NIN: variants seen among roughly 807,000 people sequenced by gnomAD.
The protein encoded by NIN is ninein, also known as glycogen synthase kinase 3 beta-interacting protein.
In NIN, 137 loss-of-function variants were observed where a neutral mutation model predicts 257.6. That is an observed-to-expected ratio of 0.53 (90% CI 0.46 to 0.61). The LOEUF is 0.61. Among genes scored for constraint, NIN ranks in the 20% least tolerant of loss-of-function variants. NIN has a pLI of 0.00. For synonymous variants in NIN, 918 were observed against 919.8 expected (o/e 1.00, Z 0.04); for missense variants, 2,439 against 2,501.2 (o/e 0.98, Z 0.53).
Position 50,754,816 on chromosome 14 carries a change from A to G in NIN, c.4590T>C (p.Ile1530=), listed in dbSNP as rs947711854. ...QQENSILRNE[I]TTLNEEDSIS... ...TGCTATCTTCTTCATTTAAAGTAGT[A>G]ATTTCATTTCTCAAAATAGAATTTT... The change falls in exon 19 of 31, where the codon ATT becomes ATC. Residue 1530 remains isoleucine (I), a synonymous_variant. Transcript: ENST00000530997. 2.5e-6 allele frequency: 4 copies of G among 1,581,712 alleles called. No individual in the cohort carries two copies. Among genetic ancestry groups the G allele is most frequent in the Non-Finnish European group, 3.4e-6 (4 of 1,163,956 alleles).
chr14:50,814,977 A>T, intron 3 of NIN, among the ~76,000 whole-genome samples: 1 of 152,266 alleles, frequency 6.6e-6, no homozygotes, highest in East Asian at 1.9e-4. Flanking sequence ...GGACATAGGC[A>T]TGGGCAAAGA....
At chr14:50,730,156 C>A (rs2040619229) in intron 28 of NIN, among the ~76,000 whole-genome samples, 1 of 152,130 alleles carries the variant, frequency 6.6e-6, no homozygotes, top group African/African-American at 2.4e-5. Context: ...TTTTTTCCAA[C>A]CCCAAGTTAG....
rs1163741819 is a variant in NIN at position 50,756,532 on chromosome 14, T to G, written c.4498A>C (p.Ile1500Leu). 1 of 1,612,202 alleles carries G rather than the reference T, an allele frequency of 6.2e-7. No homozygotes were observed. The highest frequency in any genetic ancestry group is 2.2e-5 in the East Asian group (1 of 44,894). The stretch of plus-strand genomic sequence containing the variant: ...TTTTGCTGCATCTCACTGCACGTGA[T>G]CTGCAAGTCATGCATCATTGCCTTC... ...ELKAMMHDLQ[I>L]TCSEMQQKVE... Residue 1500 changes from isoleucine to leucine, a missense_variant, in exon 18 of 31, where the codon ATC (isoleucine) becomes CTC (leucine). This residue lies in a region of NIN where 2,043 missense variants were observed against 2,050.2 expected (regional missense o/e 1.00). Coordinates refer to ENST00000530997, the MANE Select transcript of NIN (RefSeq NM_020921.4).
Position 50,722,043 on chromosome 14 carries a change from T to C in NIN, c.*1420A>G, listed in dbSNP as rs1293749044. On this transcript the variant is annotated 3_prime_UTR_variant, in exon 31 of 31. Transcript: ENST00000530997. ...TCCAGGAATATATCAAAGCGAACTT[T>C]TCGGATTATTGTCTCATGAAAACAA... 5 of 228,790 alleles carry C rather than the reference T, an allele frequency of 2.2e-5. No individual in the cohort carries two copies. Among genetic ancestry groups the C allele is most frequent in the Non-Finnish European group, 4.3e-5 (5 of 115,248 alleles). 14.2% of individuals were successfully genotyped at this position (228,790 alleles called of 1,614,324 possible). A position where few individuals can be genotyped will look rare whatever the true frequency, so the allele number is the denominator to read the frequency against.
At chr14:50,785,133 T>G (rs1017165577) in intron 5 of NIN, among the ~76,000 whole-genome samples, 1 of 152,274 alleles carries the variant, frequency 6.6e-6, no homozygotes, top group African/African-American at 2.4e-5. Context: ...AAGGGTGCCC[T>G]GCACACAGCG....
Position 50,739,387 on chromosome 14 carries a change from T to C in NIN, c.5549A>G (p.Gln1850Arg), listed in dbSNP as rs1318773127. 1 of 1,614,244 alleles carries C rather than the reference T, an allele frequency of 6.2e-7. No homozygotes were observed. Among genetic ancestry groups the C allele is most frequent in the Non-Finnish European group, 8.5e-7 (1 of 1,180,040 alleles). ...CCTCTCATTCTCTTGCCAAAGCAGCTGCTGTTCCTCATTCATCAGATGATC... is the reference window on the plus strand; with the variant it reads ...CCTCTCATTCTCTTGCCAAAGCAGCCGCTGTTCCTCATTCATCAGATGATC... ...KLDHLMNEEQQLLWQENERLQ... is the reference protein window; with the variant it reads ...KLDHLMNEEQRLLWQENERLQ... The change falls in exon 26 of 31, where the codon CAG becomes CGG. Residue 1850 changes from glutamine (Q) to arginine (R), a missense_variant. Transcript: ENST00000530997.
At chr14:50,808,836 T>C (rs1217230309) in intron 3 of NIN, among the ~76,000 whole-genome samples, 4 of 152,238 alleles carry the variant, frequency 2.6e-5, no homozygotes, top group Admixed American at 2.6e-4. Flanking sequence ...AAGAATGTCC[T>C]GGGACTGTTA....
rs749234206 is a variant in NIN, at chr14:50,767,695, T to C, written c.1435-805A>G. Among the ~76,000 whole-genome samples the C allele has an allele frequency of 2.6e-5, 4 of 151,826 alleles. No homozygotes were observed. The East Asian group carries it at 5.8e-4, about 22-fold the overall frequency. On this transcript the variant is annotated intron_variant, in intron 12 of 30. Transcript: ENST00000530997. The stretch of plus-strand genomic sequence containing the variant: ...AGCCAGGTGTGGTGGCGGGCGCCTG[T>C]AGTCCCAGCTACTTGGGAGGCTGAG...
rs887266520 is a variant in NIN, at chr14:50,722,691, T to C, written c.*772A>G. 2 of 216,960 alleles carry C rather than the reference T, an allele frequency of 9.2e-6. No homozygotes were observed. Among genetic ancestry groups the C allele is most frequent in the Non-Finnish European group, 9.3e-6 (1 of 107,482 alleles). 13.4% of individuals were successfully genotyped at this position (216,960 alleles called of 1,614,324 possible). A position where few individuals can be genotyped will look rare whatever the true frequency, so the allele number is the denominator to read the frequency against. On this transcript the variant is annotated 3_prime_UTR_variant, in exon 31 of 31. Transcript: ENST00000530997. Reference sequence around the variant, plus strand: ...CTCCAAAGTGGTTTGTTCAGTGCTTTCCCTATAGTTCAACTGCTTTAATTA... The same window carrying C: ...CTCCAAAGTGGTTTGTTCAGTGCTTCCCCTATAGTTCAACTGCTTTAATTA...
intron 30 of NIN, 138 bp from the exon 31 acceptor site, chr14:50,723,810 A>C (rs1269642295): frequency 1.5e-6 from 1 of 687,372 alleles, no homozygotes; most frequent in Admixed American, 3.0e-5. Flanking sequence ...TTTACAAAAT[A>C]GCTTTAACAT....
At chr14:50,824,163 A>G (rs148827736) in intron 2 of NIN, among the ~76,000 whole-genome samples, 1 of 152,290 alleles carries the variant, frequency 6.6e-6, no homozygotes, top group East Asian at 1.9e-4. Context: ...AAAGAATTCT[A>G]ACACTTCCCT....
chr14:50,747,258 A>G (rs2041587540), intron 22 of NIN, among the ~76,000 whole-genome samples: 1 of 152,244 alleles, frequency 6.6e-6, no homozygotes, highest in Admixed American at 6.5e-5. Context: ...TAGTTGCTAC[A>G]GAAAAAGGCA....
chr14:50,772,535 G>A (rs2042776934), intron 8 of NIN, 67 bp from the exon 9 acceptor site: 1 of 1,443,544 alleles, frequency 6.9e-7, no homozygotes, highest in South Asian at 1.2e-5. Context: ...ATATTGGTCA[G>A]CCCTGACCAC....
intron 28 of NIN, among the ~76,000 whole-genome samples, chr14:50,730,136 A>T (rs1339966279): frequency 3.3e-5 from 5 of 152,218 alleles, no homozygotes; most frequent in Non-Finnish European, 7.3e-5. Context: ...TTAAATGTTC[A>T]ATGACTATAT....
At position 50,741,621 on chromosome 14, in the gene NIN, C is replaced by T; in HGVS notation, c.5409G>A (p.Val1803=). The stretch of plus-strand genomic sequence containing the variant: ...TCTGAAGTTGCTTATGTAAAGACAT[C>T]ACTTCTTGTTTTAAAGCCTCCTTTT... ...QQEKEALKQE[V]MSLHKQLQNA... Residue 1803 remains valine (V), a synonymous_variant, in exon 25 of 31, where the codon GTG becomes GTA. Transcript: ENST00000530997. 6.2e-7 allele frequency: 1 copy of T among 1,614,118 alleles called. No individual in the cohort carries two copies. The highest frequency in any genetic ancestry group is 1.1e-5 in the South Asian group (1 of 91,074).
chr14:50,727,384 A>C, intron 29 of NIN: 1 of 1,018,090 alleles, frequency 9.8e-7, no homozygotes, highest in South Asian at 4.1e-5. Context: ...AACATATGGA[A>C]TGAGAAAATA....
intron 2 of NIN, among the ~76,000 whole-genome samples, chr14:50,828,260 C>T (rs537669865): frequency 1.3e-5 from 2 of 152,280 alleles, no homozygotes; most frequent in African/African-American, 4.8e-5. Context: ...ATTTTCCCAA[C>T]TTTGTTTTTA....
chr14:50,763,720 T>G, intron 15 of NIN, 106 bp downstream of exon 15: 1 of 977,878 alleles, frequency 1.0e-6, no homozygotes. Flanking sequence ...ATTCTTTTTT[T>G]TTTTTTTCTT....
At chr14:50,806,048 G>C (rs1162456610) in intron 4 of NIN, 3 of 152,248 alleles carry the variant, frequency 2.0e-5, no homozygotes, top group South Asian at 4.1e-4. Flanking sequence ...TCTGAAATGA[G>C]AATTTACAAT....
Sources: allele counts gnomAD v4.1 joint callset (sites outside exome capture counted in the v4.1 genomes callset), GRCh38; gene constraint gnomAD v4.1.1; regional missense constraint gnomAD v4.1.1; transcripts MANE v1.5; gene names NCBI Gene and HGNC (gene_info 2026-07-23, HGNC 2026-07-21).